Variants in PCDHA5 observed in about 807,000 individuals in gnomAD.
The protein encoded by PCDHA5 is protocadherin alpha 5.
Under a neutral mutation model 61.6 loss-of-function variants are expected in PCDHA5, and 43 were observed. The observed-to-expected ratio is 0.70, with a 90% CI of 0.55 to 0.90. The LOEUF (loss-of-function observed/expected upper bound fraction) is 0.90, where lower values mean the gene tolerates loss of function less well. PCDHA5 is among the 40% of genes least tolerant of loss of function. The pLI, the probability that PCDHA5 is intolerant of heterozygous loss-of-function variation, is 0.00. For missense variants in PCDHA5, 1,298 were observed against 1,222.7 expected (o/e 1.06, Z -0.92); for synonymous variants, 627 against 543.9 (o/e 1.15, Z -2.13).
intron 1 of PCDHA5, among the ~76,000 whole-genome samples, chr5:140,952,416 G>A (rs114343205): frequency 2.1e-3 from 324 of 151,824 alleles, no homozygotes; most frequent in African/African-American, 7.0e-3. Flanking sequence ...TTAATGTTCC[G>A]CAGATTCCTA....
chr5:140,963,151 A>G (rs544176369), intron 1 of PCDHA5, among the ~76,000 whole-genome samples: 2 of 152,326 alleles, frequency 1.3e-5, no homozygotes, highest in South Asian at 4.1e-4. Context: ...ATGAATTTAA[A>G]AATGACACAT....
At chr5:140,841,595 C>G (rs2150318765) in intron 1 of PCDHA5, 1 of 1,614,060 alleles carries the variant, frequency 6.2e-7, no homozygotes, top group Non-Finnish European at 8.5e-7. Flanking sequence ...TCGGATCGAC[C>G]GCGAGGAGCT....
chr5:140,823,462 G>A lies in PCDHA5; in HGVS notation c.1687G>A (p.Ala563Thr). 3 of 1,613,462 alleles carry A rather than the reference G, an allele frequency of 1.9e-6. No individual in the cohort carries two copies. The highest frequency in any genetic ancestry group is 2.5e-6 in the Non-Finnish European group (3 of 1,179,752). The stretch of plus-strand genomic sequence containing the variant: ...GCTGGACGAGAACGACAACGCGCCG[G>A]CGCTGCTGGTGCCTCGAGTGGGTGG... Reference protein sequence around the residue: ...FVLDENDNAPALLVPRVGGTG... With the variant: ...FVLDENDNAPTLLVPRVGGTG... The change falls in exon 1 of 4, where the codon GCG (alanine) becomes ACG (threonine). Residue 563 changes from alanine (A) to threonine (T), a missense_variant. By Grantham distance (58) the Ala-to-Thr change is moderately conservative (BLOSUM62 0). Transcript: ENST00000529859.
At chr5:140,951,542 A>AG (rs1554219955) in intron 1 of PCDHA5, among the ~76,000 whole-genome samples, 1 of 151,820 alleles carries the variant, frequency 6.6e-6, no homozygotes, top group African/African-American at 2.4e-5. Context: ...GGAGCAAGGG[A>AG]CGGGGGGAAG....
At chr5:140,978,791 A>G (rs1443899144) in intron 1 of PCDHA5, 158 bp from the exon 2 acceptor site, 1 of 976,042 alleles carries the variant, frequency 1.0e-6, no homozygotes, top group Non-Finnish European at 1.2e-6. Context: ...AAAGTGCTAT[A>G]TATGTAGATA....
intron 1 of PCDHA5, chr5:140,966,244 G>C (rs1302762597): frequency 3.2e-6 from 1 of 315,708 alleles, no homozygotes; most frequent in Non-Finnish European, 5.7e-6. Context: ...CGTTAAGCAG[G>C]GGAGAGACGG....
At chr5:140,890,784 T>C (rs2062805881) in intron 1 of PCDHA5, among the ~76,000 whole-genome samples, 1 of 152,212 alleles carries the variant, frequency 6.6e-6, no homozygotes, top group South Asian at 2.1e-4. Flanking sequence ...CCATAAGATA[T>C]TAGTATTATT....
At chr5:140,850,708 C>T (rs1554144815) in intron 1 of PCDHA5, 8 of 1,597,900 alleles carry the variant, frequency 5.0e-6, no homozygotes, top group Admixed American at 3.4e-5. Flanking sequence ...GGCAAGCCGA[C>T]GCTGGTGTGT....
At chr5:140,858,227 G>C (rs782000026) in intron 1 of PCDHA5, 1 of 1,596,486 alleles carries the variant, frequency 6.3e-7, no homozygotes. Context: ...GGCGCCCACC[G>C]AGGGCGCATG....
chr5:140,868,121 C>T (rs920378220), intron 1 of PCDHA5: 1 of 151,814 alleles, frequency 6.6e-6, no homozygotes, highest in Non-Finnish European at 1.5e-5. Flanking sequence ...AGTTGAAAAG[C>T]CTATTTCTGT....
At chr5:140,948,793 A>AT (rs1351130459) in intron 1 of PCDHA5, among the ~76,000 whole-genome samples, 1 of 150,328 alleles carries the variant, frequency 6.7e-6, no homozygotes, top group Non-Finnish European at 1.5e-5. Flanking sequence ...TTGTTGATAT[A>AT]TTTTCTATTG....
chr5:140,829,341 G>A (rs1554131894), intron 1 of PCDHA5: 7 of 1,614,256 alleles, frequency 4.3e-6, no homozygotes, highest in African/African-American at 4.0e-5. Flanking sequence ...GACCGCGAGA[G>A]CGTGTCGGCC....
At chr5:140,897,712 G>A (rs1180745180) in intron 1 of PCDHA5, among the ~76,000 whole-genome samples, 3 of 152,162 alleles carry the variant, frequency 2.0e-5, no homozygotes, top group African/African-American at 7.2e-5. Context: ...CCAGTAATGG[G>A]ATGGCTGGGT....
chr5:140,870,852 G>C (rs782301779), intron 1 of PCDHA5: 3 of 1,613,862 alleles, frequency 1.9e-6, no homozygotes, highest in Non-Finnish European at 2.5e-6. Flanking sequence ...TACCGCGGTC[G>C]GTGGGTGCGG....
intron 1 of PCDHA5, chr5:140,969,240 C>T: frequency 6.2e-7 from 1 of 1,614,198 alleles, no homozygotes; most frequent in South Asian, 1.1e-5. Context: ...GCCCAAGCAG[C>T]AGTGACTGAC....
rs2150124417 is a variant in PCDHA5, at chr5:140,823,299, G to A, written c.1524G>A (p.Ser508=). The A allele has an allele frequency of 5.6e-6, 9 of 1,612,248 alleles. No individual in the cohort carries two copies. Among genetic ancestry groups the A allele is most frequent in the Non-Finnish European group, 6.8e-6 (8 of 1,179,764 alleles). The change falls in exon 1 of 4, where the codon TCG becomes TCA. Residue 508 remains serine (S), a synonymous_variant. Transcript: ENST00000529859. Reference sequence around the variant, plus strand: ...AGCGCCCGCTGTCGAGTTACGTTTCGGTGCACGCGGAGAGCGGCAAGGTGT... The same window carrying A: ...AGCGCCCGCTGTCGAGTTACGTTTCAGTGCACGCGGAGAGCGGCAAGGTGT... ...VGERPLSSYV[S]VHAESGKVYA... is the part of the protein sequence containing the mutation.
intron 1 of PCDHA5, chr5:140,928,060 T>C: frequency 6.2e-7 from 1 of 1,614,204 alleles, no homozygotes; most frequent in Non-Finnish European, 8.5e-7. Flanking sequence ...GCTGACGGCT[T>C]CCTTTGACAA....
intron 1 of PCDHA5, among the ~76,000 whole-genome samples, chr5:140,885,515 A>G (rs537252415): frequency 6.6e-6 from 1 of 152,294 alleles, no homozygotes; most frequent in South Asian, 2.1e-4. Context: ...ATGCTGTGCT[A>G]TCATTTCATA....
chr5:140,870,315 C>T, intron 1 of PCDHA5: 1 of 1,614,234 alleles, frequency 6.2e-7, no homozygotes, highest in Non-Finnish European at 8.5e-7. Context: ...AGAATTACTA[C>T]TCGTTGGTGC....
Sources: gnomAD v4.1 joint callset for allele counts (sites outside exome capture counted in the v4.1 genomes callset) on GRCh38, gnomAD v4.1.1 for gene constraint, MANE v1.5 for transcripts, NCBI Gene and HGNC (gene_info 2026-07-23, HGNC 2026-07-21) for gene names.